The following PARD3B variants were observed in gnomAD, a reference collection of about 807,000 sequenced individuals.
PARD3B encodes partitioning defective 3 homolog B.
PARD3B carries 103 observed loss-of-function variants against 130.2 expected under a neutral mutation model. The observed-to-expected ratio is 0.79, with a 90% confidence interval of 0.67 to 0.93. The LOEUF (loss-of-function observed/expected upper bound fraction) is 0.93, where lower values mean the gene tolerates loss of function less well. Ranked by LOEUF, PARD3B falls within the 40% of genes least tolerant of loss-of-function variation. PARD3B has a pLI of 0.00. For synonymous variants in PARD3B, 583 were observed against 553.2 expected (o/e 1.05, Z -0.76); for missense variants, 1,609 against 1,499.2 (o/e 1.07, Z -1.21).
At chr2:205,198,625 C>T (rs1189832072) in intron 15 of PARD3B, among the ~76,000 whole-genome samples, 1 of 151,954 alleles carries the variant, frequency 6.6e-6, no homozygotes, top group East Asian at 1.9e-4. Flanking sequence ...AATATGAAAC[C>T]TTTTATATAT....
chr2:204,793,662 C>A (rs552270205), intron 2 of PARD3B, among the ~76,000 whole-genome samples: 1 of 152,050 alleles, frequency 6.6e-6, no homozygotes, highest in Non-Finnish European at 1.5e-5. Context: ...TGCCCACCAC[C>A]AAGCCTGGCC....
chr2:204,960,399 G>T (rs1441171170), intron 2 of PARD3B, among the ~76,000 whole-genome samples: 1 of 152,082 alleles, frequency 6.6e-6, no homozygotes, highest in Admixed American at 6.6e-5. Context: ...TCCAGTTTTG[G>T]AGTATGATGT....
rs544622822 is a variant in PARD3B, at chr2:204,966,646, A to G, written c.394+1323A>G. Among the ~76,000 whole-genome samples, 4 of 151,664 alleles carry G rather than the reference A, an allele frequency of 2.6e-5. No individual in the cohort carries two copies. In the East Asian group the frequency reaches 7.8e-4, roughly 29 times the overall value. On this transcript the variant is annotated intron_variant, in intron 3 of 22. Coordinates refer to ENST00000406610, the MANE Select transcript of PARD3B (RefSeq NM_001302769.2). ...CTTCTGTGCCGGAGAATTTGTTTTCACCTCTCTCTTATGAGCTTTGTCAGG... is the reference window on the plus strand; with the variant it reads ...CTTCTGTGCCGGAGAATTTGTTTTCGCCTCTCTCTTATGAGCTTTGTCAGG...
chr2:204,878,993 G>C (rs776744979), intron 2 of PARD3B, among the ~76,000 whole-genome samples: 15 of 151,948 alleles, frequency 9.9e-5, no homozygotes, highest in Non-Finnish European at 1.9e-4. Context: ...GTAATTGTTG[G>C]TTGCTGTAGA....
intron 3 of PARD3B, among the ~76,000 whole-genome samples, chr2:204,971,350 A>T (rs236837): frequency 0.39 from 58,962 of 151,988 alleles, 12,624 homozygotes; most frequent in East Asian, 0.64. Context: ...AAGCTCAGGG[A>T]TGGGTTATGC....
chr2:205,336,651 A>G (rs935310925), intron 18 of PARD3B, among the ~76,000 whole-genome samples: 1 of 152,178 alleles, frequency 6.6e-6, no homozygotes, highest in Non-Finnish European at 1.5e-5. Flanking sequence ...ATTTCCTGAG[A>G]AATGTTAGTT....
intron 4 of PARD3B, among the ~76,000 whole-genome samples, chr2:205,075,940 C>A (rs1701031382): frequency 6.6e-6 from 1 of 152,016 alleles, no homozygotes; most frequent in Non-Finnish European, 1.5e-5. Context: ...TGAACCACTG[C>A]TTGTAATTAT....
chr2:205,194,984 A>C (rs914054624), intron 15 of PARD3B, among the ~76,000 whole-genome samples: 1 of 136,732 alleles, frequency 7.3e-6, no homozygotes. Flanking sequence ...TTTTTAGTAG[A>C]GATGGGGTTT....
At chr2:205,020,358 C>T (rs1215904275) in intron 3 of PARD3B, among the ~76,000 whole-genome samples, 1 of 152,026 alleles carries the variant, frequency 6.6e-6, no homozygotes, top group East Asian at 1.9e-4. Flanking sequence ...TCAAGTATCC[C>T]AGTGGGTTCA....
chr2:205,324,385 A>C (rs902840582), intron 18 of PARD3B, among the ~76,000 whole-genome samples: 3 of 152,176 alleles, frequency 2.0e-5, no homozygotes, highest in Non-Finnish European at 4.4e-5. Context: ...TAGTAGAACA[A>C]CACTCATTTT....
rs551620073 is a variant in PARD3B, at chr2:204,637,438, C to T, written c.121-48743C>T. On this transcript the variant is annotated intron_variant, in intron 1 of 22. Coordinates refer to ENST00000406610, the MANE Select transcript of PARD3B (RefSeq NM_001302769.2). Reference sequence around the variant, plus strand: ...TCAGTATACCTGTAGATTTAATATACACATTCATTTAAATAATACATAATG... The same window carrying T: ...TCAGTATACCTGTAGATTTAATATATACATTCATTTAAATAATACATAATG... 2.6e-5 allele frequency among the ~76,000 whole-genome samples: 4 copies of T among 152,184 alleles called. No homozygotes were observed. The East Asian group carries it at 7.7e-4, about 29-fold the overall frequency.
chr2:205,302,065 CTTTTTTTTTTTTTT>C (rs3048088), intron 18 of PARD3B, among the ~76,000 whole-genome samples: 1 of 77,780 alleles, frequency 1.3e-5, no homozygotes, highest in Non-Finnish European at 2.2e-5. Flanking sequence ...TTTTTCTTTT[CTTTTTTTTTTTTTT>C]TTTTTTTTTG....
rs1159962968 is a variant in PARD3B, at chr2:204,689,777, C to T, written c.222+3495C>T. ...CCAAGATCACACAGGTAGTAAATGGCACAATCAGACTCTGGAACCTAGAAT... is the reference window on the plus strand; with the variant it reads ...CCAAGATCACACAGGTAGTAAATGGTACAATCAGACTCTGGAACCTAGAAT... On this transcript the variant is annotated intron_variant, in intron 2 of 22. Transcript: ENST00000406610. The surrounding 1 kb of genome is among the most constrained non-coding windows in gnomAD (Gnocchi z 5.2). Among the ~76,000 whole-genome samples, 1 of 152,166 alleles carries T rather than the reference C, an allele frequency of 6.6e-6. No individual in the cohort carries two copies. Among genetic ancestry groups the T allele is most frequent in the African/African-American group, 2.4e-5 (1 of 41,450 alleles).
In PARD3B at chr2:204,823,615, T is replaced by C. The variant is rs188530583; in HGVS notation, c.222+137333T>C. On this transcript the variant is annotated intron_variant, in intron 2 of 22. Coordinates refer to ENST00000406610, the MANE Select transcript of PARD3B (RefSeq NM_001302769.2). ...TTCTGCTTATTGGCACTGATACTTA[T>C]TTCCTTATTAATATCAGAAAAATAT... Among the ~76,000 whole-genome samples, 223 of 152,202 alleles carry C rather than the reference T, an allele frequency of 1.5e-3. 1 individual carries two copies. The highest frequency in any genetic ancestry group is 5.0e-3 in the African/African-American group (206 of 41,520).
At chr2:205,171,035 G>T (rs2035147348) in intron 11 of PARD3B, among the ~76,000 whole-genome samples, 1 of 152,154 alleles carries the variant, frequency 6.6e-6, no homozygotes, top group South Asian at 2.1e-4. Context: ...TTCCTTTTCT[G>T]TAAAATGTTT....
intron 4 of PARD3B, among the ~76,000 whole-genome samples, chr2:205,056,779 A>T (rs1699661435): frequency 6.6e-6 from 1 of 151,944 alleles, no homozygotes; most frequent in Non-Finnish European, 1.5e-5. Flanking sequence ...AGGAAAAAGT[A>T]GATACTGAAA....
intron 2 of PARD3B, among the ~76,000 whole-genome samples, chr2:204,820,070 A>C (rs1016152990): frequency 4.6e-5 from 4 of 86,314 alleles, no homozygotes; most frequent in South Asian, 7.1e-4. Flanking sequence ...TAAACAATAG[A>C]CTTTTTTTTT....
intron 16 of PARD3B, among the ~76,000 whole-genome samples, chr2:205,267,512 C>A (rs1183870322): frequency 1.3e-5 from 2 of 151,048 alleles, no homozygotes; most frequent in Admixed American, 1.3e-4. Context: ...TTGGCTTGAG[C>A]TTCAGAAGGA....
At chr2:205,478,522 T>G (rs150517981) in intron 20 of PARD3B, among the ~76,000 whole-genome samples, 230 of 152,318 alleles carry the variant, frequency 1.5e-3, no homozygotes, top group African/African-American at 5.0e-3. Flanking sequence ...GGGCTTCATT[T>G]AACAATAAGG....
Sources: gnomAD v4.1 joint callset for allele counts (sites outside exome capture counted in the v4.1 genomes callset) on GRCh38, gnomAD v4.1.1 for gene constraint, Gnocchi (gnomAD v3.1) non-coding constraint, MANE v1.5 for transcripts, NCBI Gene and HGNC (gene_info 2026-07-23, HGNC 2026-07-21) for gene names.